Variants in TMX2 observed in about 807,000 individuals in gnomAD.
TMX2 encodes thioredoxin related transmembrane protein 2.
TMX2 carries 20 observed loss-of-function variants against 33.4 expected under a neutral mutation model. The ratio of observed to expected loss-of-function variants is 0.60; its 90% CI spans 0.42 to 0.87. The LOEUF is 0.87. TMX2 is among the 40% of genes least tolerant of loss of function. The pLI is 0.00. For missense variants in TMX2, 340 were observed against 370.7 expected, an observed-to-expected ratio of 0.92 and a Z score of 0.68; for synonymous variants, 166 against 140.7, an observed-to-expected ratio of 1.18 and a Z score of -1.27.
At chr11:57,720,487 C>T (rs1947551475) in intron 1 of TMX2, among the ~76,000 whole-genome samples, 1 of 152,216 alleles carries the variant, frequency 6.6e-6, no homozygotes, top group South Asian at 2.1e-4. Context: ...ACTGCAACCT[C>T]TGCCTCCAGA....
chr11:57,719,256 C>T (rs558494349), intron 1 of TMX2, among the ~76,000 whole-genome samples: 24 of 149,474 alleles, frequency 1.6e-4, no homozygotes, highest in South Asian at 1.5e-3. Context: ...AGGATGGTCT[C>T]GATCTCCTGA....
At chr11:57,716,889 GCTC>G (rs1947136541) in intron 1 of TMX2, among the ~76,000 whole-genome samples, 1 of 150,408 alleles carries the variant, frequency 6.6e-6, no homozygotes, top group Non-Finnish European at 1.5e-5. Context: ...GGGCGGAGAC[GCTC>G]CTCATTTCCC....
rs1395098521 is a variant in TMX2, at chr11:57,726,480, C to CT, written c.190-11118dup. The stretch of plus-strand genomic sequence containing the variant: ...CTTTGTTTTTTGGGTTTATTGTTGG[C>CT]TTTTTTTTTTACTTAATAATTTTAA... On this transcript the variant is annotated intron_variant, in intron 1 of 7. Coordinates refer to ENST00000278422, the MANE Select transcript of TMX2 (RefSeq NM_015959.4). 3.8e-4 allele frequency among the ~76,000 whole-genome samples: 56 copies of CT among 147,072 alleles called. 1 individual carries two copies. The highest frequency in any genetic ancestry group is 3.1e-3 in the Admixed American group (46 of 14,740).
chr11:57,729,479 G>T (rs1328299154), intron 1 of TMX2, among the ~76,000 whole-genome samples: 1 of 151,998 alleles, frequency 6.6e-6, no homozygotes, highest in Non-Finnish European at 1.5e-5. Flanking sequence ...GTATTTAAAG[G>T]CCTTTATAAT....
At chr11:57,726,270 A>G (rs1947975985) in intron 1 of TMX2, among the ~76,000 whole-genome samples, 1 of 151,960 alleles carries the variant, frequency 6.6e-6, no homozygotes, top group Non-Finnish European at 1.5e-5. Flanking sequence ...AAAATCAGCC[A>G]GGCGTGGTGG....
At chr11:57,716,112 G>C (rs1000217791) in intron 1 of TMX2, among the ~76,000 whole-genome samples, 1 of 152,062 alleles carries the variant, frequency 6.6e-6, no homozygotes, top group South Asian at 2.1e-4. Flanking sequence ...CCTCCCAGAC[G>C]GGGTGGTGGC....
At chr11:57,731,406 T>C (rs1015662786) in intron 1 of TMX2, among the ~76,000 whole-genome samples, 25 of 150,928 alleles carry the variant, frequency 1.7e-4, no homozygotes, top group African/African-American at 6.1e-4. Context: ...AGTGCTGGGA[T>C]TGCAAGGGTG....
chr11:57,733,412 G>T (rs1044120595), intron 1 of TMX2, among the ~76,000 whole-genome samples: 2 of 151,760 alleles, frequency 1.3e-5, no homozygotes, highest in Admixed American at 6.6e-5. Flanking sequence ...CCGCCATCAC[G>T]CCTGGCTGAC....
At position 57,734,825 on chromosome 11, in the gene TMX2, AC is replaced by A. The variant is rs75692045; in HGVS notation, c.190-2781del. On this transcript the variant is annotated intron_variant, in intron 1 of 7. Coordinates refer to ENST00000278422, the MANE Select transcript of TMX2 (RefSeq NM_015959.4). ...CAACTTTCATTCCCAATTCTAACCC[AC>A]CTAGTTTCATTCATGAAAATCTTTC... 9.6e-4 allele frequency among the ~76,000 whole-genome samples: 146 copies of A among 151,812 alleles called. 3 individuals carry two copies. In the East Asian group the frequency reaches 0.026, roughly 27 times the overall value.
intron 1 of TMX2, among the ~76,000 whole-genome samples, chr11:57,715,145 A>G (rs2135446976): frequency 6.6e-6 from 1 of 152,236 alleles, no homozygotes; most frequent in South Asian, 2.1e-4. Flanking sequence ...CACATCTGTA[A>G]TCCCAGCACT....
At chr11:57,720,134 C>CAAAAA (rs59914635) in intron 1 of TMX2, among the ~76,000 whole-genome samples, 1 of 128,142 alleles carries the variant, frequency 7.8e-6, no homozygotes, top group Non-Finnish European at 1.6e-5. Context: ...ACTAAAAATA[C>CAAAAA]AAAAAAAAAA....
At chr11:57,736,768 GT>G (rs1948777225) in intron 1 of TMX2, among the ~76,000 whole-genome samples, 1 of 151,776 alleles carries the variant, frequency 6.6e-6, no homozygotes, top group Non-Finnish European at 1.5e-5. Context: ...TGCGCCTGTA[GT>G]CCCAGCTACT....
intron 1 of TMX2, among the ~76,000 whole-genome samples, chr11:57,719,033 ATTTTT>A (rs1191976911): frequency 4.2e-5 from 3 of 70,636 alleles, no homozygotes; most frequent in Non-Finnish European, 5.6e-5. Flanking sequence ...ATATATATAT[ATTTTT>A]TTTTTTTTTT....
intron 1 of TMX2, among the ~76,000 whole-genome samples, chr11:57,723,540 C>G (rs553628316): frequency 3.3e-5 from 5 of 150,316 alleles, no homozygotes; most frequent in Non-Finnish European, 7.4e-5. Context: ...AAGTGGCTCA[C>G]GCCTGTAATC....
rs143367225 is a variant in TMX2, at chr11:57,712,774, A to G, written c.156A>G (p.Gln52=). ...LPPLCHGLPT[Q]REDGNPCDFD... ...CGCTCTGCCACGGTCTGCCCACCCA[A>G]CGCGAAGACGGTAACCCGTGTGACT... Residue 52 remains glutamine, a synonymous_variant, in exon 1 of 8, where the codon CAA becomes CAG. Coordinates refer to ENST00000278422, the MANE Select transcript of TMX2 (RefSeq NM_015959.4). The G allele has an allele frequency of 7.4e-6, 12 of 1,613,984 alleles. No individual in the cohort carries two copies. In the African/African-American group the frequency reaches 8.0e-5, roughly 11 times the overall value.
chr11:57,735,578 C>T (rs1188206912), intron 1 of TMX2, among the ~76,000 whole-genome samples: 1 of 152,164 alleles, frequency 6.6e-6, no homozygotes, highest in South Asian at 2.1e-4. Context: ...GAAGCATAGC[C>T]TCCGCTCAGA....
intron 7 of TMX2, 138 bp from the exon 8 acceptor site, chr11:57,739,961 A>ATT: frequency 8.4e-7 from 1 of 1,189,350 alleles, no homozygotes; most frequent in East Asian, 2.4e-5. Context: ...GTACCTAAAA[A>ATT]AGAGGAAGGT....
At chr11:57,719,192 C>T (rs962364061) in intron 1 of TMX2, among the ~76,000 whole-genome samples, 10 of 150,996 alleles carry the variant, frequency 6.6e-5, no homozygotes, top group Non-Finnish European at 1.2e-4. Context: ...CACGCCACCA[C>T]GCCCGGCTAA....
chr11:57,713,294 C>T (rs1946754355), intron 1 of TMX2, among the ~76,000 whole-genome samples: 1 of 152,092 alleles, frequency 6.6e-6, no homozygotes, highest in African/African-American at 2.4e-5. Context: ...ACTCTTCTGG[C>T]CACACTACCT....
Sources: allele counts gnomAD v4.1 joint callset (sites outside exome capture counted in the v4.1 genomes callset), GRCh38; gene constraint gnomAD v4.1.1; transcripts MANE v1.5; gene names NCBI Gene and HGNC (gene_info 2026-07-23, HGNC 2026-07-21).